The following DMD variants were observed in gnomAD, a reference collection of about 807,000 sequenced individuals.
The protein encoded by DMD is dystrophin, also known as mutant dystrophin.
Under a neutral mutation model 330.1 loss-of-function variants are expected in DMD, and 63 were observed. The observed-to-expected ratio is 0.19, with a 90% CI of 0.16 to 0.24. DMD has a LOEUF of 0.24. Ranked by LOEUF, DMD falls within the 10% of genes least tolerant of loss-of-function variation. The pLI, the probability that DMD is intolerant of heterozygous loss-of-function variation, is 1.00. For synonymous variants in DMD, 1,223 were observed against 959.8 expected (o/e 1.27, Z -5.07); for missense variants, 3,344 against 2,684.1 (o/e 1.25, Z -5.43).
At chrX:31,262,592 G>A (rs1035183229) in intron 62 of DMD, among the ~76,000 whole-genome samples, 4 of 112,389 alleles carry the variant, frequency 3.6e-5, no homozygotes, top group Non-Finnish European at 5.6e-5. Flanking sequence ...TTCCAAATAC[G>A]TTTATTTCAG....
At chrX:31,410,610 T>C (rs968264852) in intron 60 of DMD, among the ~76,000 whole-genome samples, 4 of 110,807 alleles carry the variant, frequency 3.6e-5, no homozygotes, top group African/African-American at 1.3e-4. Flanking sequence ...CCCTTTCTCT[T>C]ATAGTTGGAA....
intron 9 of DMD, among the ~76,000 whole-genome samples, chrX:32,648,884 G>C (rs901072012): frequency 1.8e-5 from 2 of 111,710 alleles, no homozygotes; most frequent in African/African-American, 6.5e-5. Context: ...CAAATGAAGA[G>C]ATTTTCTAGG....
At chrX:31,737,397 T>C (rs1480534008) in intron 51 of DMD, among the ~76,000 whole-genome samples, 1 of 113,026 alleles carries the variant, frequency 8.8e-6, no homozygotes, top group Non-Finnish European at 1.9e-5. Context: ...GTTCTTGCAA[T>C]AAATAGTTCA....
intron 60 of DMD, among the ~76,000 whole-genome samples, chrX:31,439,486 G>A (rs899197293): frequency 1.1e-5 from 1 of 93,630 alleles, no homozygotes; most frequent in African/African-American, 3.4e-5. Flanking sequence ...CATGACTTTG[G>A]AAGAAGCTTA....
chrX:33,168,737 G>T (rs1459859702), intron 1 of DMD, among the ~76,000 whole-genome samples: 1 of 110,271 alleles, frequency 9.1e-6, no homozygotes, highest in Non-Finnish European at 1.9e-5. Context: ...TGCCTTGAGT[G>T]TGGCTGGGAG....
intron 7 of DMD, among the ~76,000 whole-genome samples, chrX:32,804,006 C>G (rs929913231): frequency 5.4e-5 from 6 of 111,625 alleles, no homozygotes; most frequent in African/African-American, 2.0e-4. Flanking sequence ...TACTGAATAT[C>G]CTTTTTAATT....
chrX:33,001,829 G>A (rs1186007786), intron 2 of DMD, among the ~76,000 whole-genome samples: 1 of 111,114 alleles, frequency 9.0e-6, no homozygotes, highest in African/African-American at 3.3e-5. Context: ...AATATTTTAA[G>A]CATTGTTTCT....
intron 53 of DMD, among the ~76,000 whole-genome samples, chrX:31,677,840 A>T (rs1016470382): frequency 8.9e-6 from 1 of 112,428 alleles, no homozygotes; most frequent in African/African-American, 3.2e-5. Flanking sequence ...ATTGGCTAAA[A>T]GCTCACTAAT....
At chrX:32,913,962 C>T (rs1401302449) in intron 2 of DMD, among the ~76,000 whole-genome samples, 1 of 111,528 alleles carries the variant, frequency 9.0e-6, no homozygotes, top group African/African-American at 3.3e-5. Context: ...TATTGTTTTC[C>T]CCCGTTTTTC....
chrX:32,541,667 G>A (rs1199493687), intron 17 of DMD, among the ~76,000 whole-genome samples: 1 of 111,222 alleles, frequency 9.0e-6, no homozygotes, highest in African/African-American at 3.3e-5. Context: ...AAGGTGGGAG[G>A]CAGGTGAGGA....
chrX:32,232,659 G>A (rs1016739538), intron 43 of DMD, among the ~76,000 whole-genome samples: 4 of 111,821 alleles, frequency 3.6e-5, no homozygotes, highest in Admixed American at 2.9e-4. Context: ...TTAAAACACA[G>A]GTGCACGAGG....
chrX:32,107,602 CG>C (rs923836048), intron 44 of DMD, among the ~76,000 whole-genome samples: 1 of 110,386 alleles, frequency 9.1e-6, no homozygotes, highest in Non-Finnish European at 1.9e-5. Flanking sequence ...TGAAGGCAGT[CG>C]GGCAGAACGA....
chrX:32,766,726 A>G (rs1391500156), intron 7 of DMD, among the ~76,000 whole-genome samples: 1 of 111,435 alleles, frequency 9.0e-6, no homozygotes, highest in Non-Finnish European at 1.9e-5. Context: ...GAATATAGTT[A>G]ATAGAGTATT....
chrX:31,613,676 C>T (rs757965486), intron 55 of DMD, among the ~76,000 whole-genome samples: 23 of 111,468 alleles, frequency 2.1e-4, no homozygotes, highest in African/African-American at 7.5e-4. Context: ...TCTTGGATGA[C>T]TAAAGGACTT....
chrX:32,604,446 C>A (rs769639177), intron 12 of DMD, among the ~76,000 whole-genome samples: 11 of 109,784 alleles, frequency 1.0e-4, no homozygotes, highest in Non-Finnish European at 2.1e-4. Context: ...CAACATCATA[C>A]TAAACAGGAA....
intron 29 of DMD, among the ~76,000 whole-genome samples, chrX:32,413,229 T>C (rs1008609177): frequency 1.8e-5 from 2 of 110,706 alleles, no homozygotes; most frequent in Non-Finnish European, 3.8e-5. Context: ...CTATTGGACA[T>C]CTCCTCATGA....
At chrX:31,725,933 G>A (rs1441989462) in intron 52 of DMD, among the ~76,000 whole-genome samples, 1 of 112,381 alleles carries the variant, frequency 8.9e-6, no homozygotes, top group Admixed American at 9.4e-5. Flanking sequence ...ACGAACAAGA[G>A]TTTCATGTAA....
chrX:31,871,816 C>T (rs971271083), intron 48 of DMD, among the ~76,000 whole-genome samples: 1 of 109,349 alleles, frequency 9.1e-6, no homozygotes, highest in African/African-American at 3.3e-5. Context: ...GTCTAGTGTC[C>T]CATCTTTCTT....
intron 7 of DMD, among the ~76,000 whole-genome samples, chrX:32,725,752 G>A (rs766506549): frequency 1.8e-5 from 2 of 110,321 alleles, no homozygotes; most frequent in Admixed American, 9.7e-5. Flanking sequence ...TCCTTAGAAA[G>A]AATAAAACAT....
Sources: allele counts gnomAD v4.1 joint callset (sites outside exome capture counted in the v4.1 genomes callset), GRCh38; gene constraint gnomAD v4.1.1; transcripts MANE v1.5; gene names NCBI Gene and HGNC (gene_info 2026-07-23, HGNC 2026-07-21).